Variants in TRPC5 observed in about 807,000 individuals in gnomAD.
The protein encoded by TRPC5 is transient receptor potential cation channel subfamily C member 5.
TRPC5 carries 9 observed loss-of-function variants against 56.5 expected under a neutral mutation model. The ratio of observed to expected loss-of-function variants is 0.16; its 90% CI spans 0.10 to 0.28. The LOEUF is 0.28. TRPC5 is among the 10% of genes least tolerant of loss of function. TRPC5 has a pLI of 1.00. For missense variants in TRPC5, 469 were observed against 748.9 expected (o/e 0.63, Z 4.36); for synonymous variants, 282 against 278.5 (o/e 1.01, Z -0.13).
intron 1 of TRPC5, among the ~76,000 whole-genome samples, chrX:111,976,563 T>C (rs182240300): frequency 3.4e-3 from 376 of 112,058 alleles, no homozygotes; most frequent in Admixed American, 6.9e-3. Context: ...ACTTTTTCTA[T>C]ATGATCCAGA....
At chrX:111,977,027 T>C (rs1328541042) in intron 1 of TRPC5, among the ~76,000 whole-genome samples, 1 of 111,464 alleles carries the variant, frequency 9.0e-6, no homozygotes, top group Non-Finnish European at 1.9e-5. Context: ...ATCCCAAGTT[T>C]ATGGACTAGA....
Position 112,062,802 on chromosome X carries a change from T to G in TRPC5, c.-22+19077A>C, listed in dbSNP as rs1930488470. On this transcript the variant is annotated intron_variant, in intron 1 of 10. Coordinates refer to ENST00000262839, the MANE Select transcript of TRPC5 (RefSeq NM_012471.3). ...TAGGTAGTGGGGGAACTACTGAAGG[T>G]AGAAGGGTAATGTCAAGGGAGGATG... Among the ~76,000 whole-genome samples the G allele has an allele frequency of 3.6e-5, 4 of 111,175 alleles. No individual in the cohort carries two copies. The Admixed American group carries it at 3.8e-4, about 11-fold the overall frequency.
At chrX:111,893,411 G>C (rs927154157) in intron 3 of TRPC5, among the ~76,000 whole-genome samples, 1 of 111,675 alleles carries the variant, frequency 9.0e-6, no homozygotes, top group Non-Finnish European at 1.9e-5. Context: ...GGTCCTACCA[G>C]GTTAAGATTG....
chrX:111,874,504 G>C (rs1229863385), intron 3 of TRPC5, among the ~76,000 whole-genome samples: 1 of 111,896 alleles, frequency 8.9e-6, no homozygotes, highest in Non-Finnish European at 1.9e-5. Context: ...TCCTTCTAGG[G>C]ACCAGCATGT....
intron 7 of TRPC5, among the ~76,000 whole-genome samples, chrX:111,819,479 C>T (rs1921966991): frequency 9.0e-6 from 1 of 111,177 alleles, no homozygotes; most frequent in South Asian, 3.8e-4. Flanking sequence ...CTGTGTCTTT[C>T]CACTGGGGAG....
chrX:111,879,795 A>G (rs1207944086), intron 3 of TRPC5, among the ~76,000 whole-genome samples: 1 of 112,664 alleles, frequency 8.9e-6, no homozygotes, highest in East Asian at 2.8e-4. Flanking sequence ...TGCCAGGGGC[A>G]TATAGCTACA....
intron 3 of TRPC5, among the ~76,000 whole-genome samples, chrX:111,855,110 G>A (rs1376144276): frequency 9.8e-5 from 11 of 112,209 alleles, no homozygotes; most frequent in Non-Finnish European, 2.1e-4. Context: ...GCACCATTTA[G>A]CTTACTAGTA....
chrX:112,045,136 G>A lies in TRPC5; in HGVS notation c.-22+36743C>T, dbSNP rs200902873. 3.6e-5 allele frequency among the ~76,000 whole-genome samples: 4 copies of A among 112,089 alleles called. No homozygotes were observed. The East Asian group carries it at 1.1e-3, about 31-fold the overall frequency. Reference sequence around the variant, plus strand: ...TCACATGGCAAAGAGATGGGGTGTGGGGGAAGGTCTTTACAGGTGTAATCA... The same window carrying A: ...TCACATGGCAAAGAGATGGGGTGTGAGGGAAGGTCTTTACAGGTGTAATCA... On this transcript the variant is annotated intron_variant, in intron 1 of 10. Transcript: ENST00000262839.
intron 7 of TRPC5, among the ~76,000 whole-genome samples, chrX:111,799,994 G>A (rs778974167): frequency 8.9e-6 from 1 of 112,263 alleles, no homozygotes; most frequent in Admixed American, 9.4e-5. Flanking sequence ...GACTACTTTT[G>A]ACTTCTTTAT....
Position 111,771,470 on chromosome X carries a change from T to G in TRPC5, c.*4843A>C, listed in dbSNP as rs1234398840. ...CTCAAGTTGGGGATAACACAAATAC[T>G]GAGCCTAAAGATGCTAGAGCACACT... On this transcript the variant is annotated 3_prime_UTR_variant, in exon 11 of 11. Coordinates refer to ENST00000262839, the MANE Select transcript of TRPC5 (RefSeq NM_012471.3). 1.8e-5 allele frequency among the ~76,000 whole-genome samples: 2 copies of G among 111,697 alleles called. No individual in the cohort carries two copies. Among genetic ancestry groups the G allele is most frequent in the Non-Finnish European group, 3.8e-5 (2 of 53,146 alleles).
At chrX:111,864,437 A>C (rs1178139127) in intron 3 of TRPC5, among the ~76,000 whole-genome samples, 1 of 112,512 alleles carries the variant, frequency 8.9e-6, no homozygotes, top group Non-Finnish European at 1.9e-5. Flanking sequence ...CCAGGAAAAG[A>C]ACTATTGGTA....
At chrX:111,974,677 G>A (rs1161752596) in intron 1 of TRPC5, among the ~76,000 whole-genome samples, 1 of 110,448 alleles carries the variant, frequency 9.1e-6, no homozygotes, top group African/African-American at 3.3e-5. Flanking sequence ...CACTGGAGAA[G>A]ACAGAATGGG....
chrX:111,813,181 A>G (rs1477101444), intron 7 of TRPC5, among the ~76,000 whole-genome samples: 1 of 112,245 alleles, frequency 8.9e-6, no homozygotes, highest in Non-Finnish European at 1.9e-5. Context: ...ACACCACCAT[A>G]GACAGTGGTC....
intron 3 of TRPC5, among the ~76,000 whole-genome samples, chrX:111,865,128 G>A (rs1923511370): frequency 9.1e-6 from 1 of 110,170 alleles, no homozygotes; most frequent in Non-Finnish European, 1.9e-5. Flanking sequence ...CAATTCTCAT[G>A]CCTCAGCTTC....
chrX:111,967,123 C>T (rs1441574122), intron 1 of TRPC5, among the ~76,000 whole-genome samples: 1 of 112,089 alleles, frequency 8.9e-6, no homozygotes, highest in African/African-American at 3.2e-5. Flanking sequence ...TAAGCAACTT[C>T]AGCAAAGTCT....
chrX:111,997,645 G>A (rs1291792449), intron 1 of TRPC5, among the ~76,000 whole-genome samples: 3 of 110,359 alleles, frequency 2.7e-5, no homozygotes, highest in Non-Finnish European at 5.7e-5. Context: ...CATAGATTTG[G>A]TCTTTTCACG....
intron 3 of TRPC5, chrX:111,901,775 A>G (rs1925357645): frequency 1.2e-6 from 1 of 827,952 alleles, no homozygotes; most frequent in Non-Finnish European, 1.6e-6. Flanking sequence ...AGCCCCTTAT[A>G]CTATCCATTG....
intron 1 of TRPC5, among the ~76,000 whole-genome samples, chrX:112,051,670 T>C (rs778804310): frequency 2.5e-4 from 28 of 112,407 alleles, no homozygotes; most frequent in Middle Eastern, 9.2e-3. Flanking sequence ...TAACCAGTTT[T>C]AAGTACACAG....
At position 111,869,487 on chromosome X, in the gene TRPC5, CCTAT is replaced by C. The variant is rs1424309244; in HGVS notation, c.901-15385_901-15382del. Among the ~76,000 whole-genome samples, 10 of 111,901 alleles carry C rather than the reference CCTAT, an allele frequency of 8.9e-5. No individual in the cohort carries two copies. The Admixed American group carries it at 9.5e-4, about 11-fold the overall frequency. On this transcript the variant is annotated intron_variant, in intron 3 of 10. Coordinates refer to ENST00000262839, the MANE Select transcript of TRPC5 (RefSeq NM_012471.3). Reference sequence around the variant, plus strand: ...CTCACAAAATCAGTCAACTGGAAGCCCTATCTTTCATTTCAAACTAGGGCTAAGC... The same window carrying C: ...CTCACAAAATCAGTCAACTGGAAGCCCTTTCATTTCAAACTAGGGCTAAGC...
Sources: allele counts gnomAD v4.1 joint callset (sites outside exome capture counted in the v4.1 genomes callset), GRCh38; gene constraint gnomAD v4.1.1; transcripts MANE v1.5; gene names NCBI Gene and HGNC (gene_info 2026-07-23, HGNC 2026-07-21).